Variants in VNN1 observed in about 807,000 individuals in gnomAD.
VNN1 encodes pantetheinase.
A neutral mutation model predicts 41.9 loss-of-function variants in VNN1; 29 were observed. The ratio of observed to expected loss-of-function variants is 0.69; its 90% CI spans 0.52 to 0.94. The LOEUF (loss-of-function observed/expected upper bound fraction) is 0.94. VNN1 is among the 40% of genes least tolerant of loss of function. VNN1 has a pLI of 0.00. For missense variants in VNN1, 637 were observed against 621.1 expected (o/e 1.03, Z -0.27); for synonymous variants, 233 against 224.4 (o/e 1.04, Z -0.34).
In VNN1 at chr6:132,681,703, A is replaced by G. The variant is rs1392850537; in HGVS notation, c.*1437T>C. Reference sequence around the variant, plus strand: ...AATTGCTCTGAGGATTCCTGTTTCTAAATACATTATGGGCTTTCTTATTTT... The same window carrying G: ...AATTGCTCTGAGGATTCCTGTTTCTGAATACATTATGGGCTTTCTTATTTT... On this transcript the variant is annotated 3_prime_UTR_variant, in exon 7 of 7. Transcript: ENST00000367928. The G allele has an allele frequency of 2.6e-5, 4 of 152,664 alleles. No homozygotes were observed. 9.5% of individuals were successfully genotyped at this position (152,664 alleles called of 1,614,324 possible).
intron 1 of VNN1, 66 bp downstream of exon 1, chr6:132,713,760 C>T: frequency 6.5e-7 from 1 of 1,550,254 alleles, no homozygotes; most frequent in Non-Finnish European, 8.8e-7. Flanking sequence ...GACAGTGGCC[C>T]TGTCTCCTAG....
rs1427355310 is a variant in VNN1 at position 132,682,571 on chromosome 6, A to G, written c.*569T>C. On this transcript the variant is annotated 3_prime_UTR_variant, in exon 7 of 7. Coordinates refer to ENST00000367928, the MANE Select transcript of VNN1 (RefSeq NM_004666.3). Reference sequence around the variant, plus strand: ...GCCTCTTCTTTTATGATCATCAGTCATATTGAATTAGGGTCTATCCTAATG... The same window carrying G: ...GCCTCTTCTTTTATGATCATCAGTCGTATTGAATTAGGGTCTATCCTAATG... 6.6e-6 allele frequency: 1 copy of G among 152,222 alleles called. No individual in the cohort carries two copies. The highest frequency in any genetic ancestry group is 1.5e-5 in the Non-Finnish European group (1 of 68,132). 9.4% of individuals were successfully genotyped at this position (152,222 alleles called of 1,614,324 possible). A position where few individuals can be genotyped will look rare whatever the true frequency, so the allele number is the denominator to read the frequency against.
intron 2 of VNN1, among the ~76,000 whole-genome samples, chr6:132,709,684 GAGAC>G (rs1778570947): frequency 6.6e-6 from 1 of 151,788 alleles, no homozygotes; most frequent in South Asian, 2.1e-4. Flanking sequence ...AAGAGAGAGA[GAGAC>G]AGAGAGAATT....
intron 4 of VNN1, 78 bp downstream of exon 4, chr6:132,692,946 T>C: frequency 1.4e-6 from 2 of 1,442,998 alleles, no homozygotes; most frequent in Non-Finnish European, 1.8e-6. Flanking sequence ...GGAGTATGCG[T>C]TAGCTAGAAA....
chr6:132,691,155 C>G (rs994260081), intron 5 of VNN1, among the ~76,000 whole-genome samples: 2 of 152,190 alleles, frequency 1.3e-5, no homozygotes, highest in Admixed American at 1.3e-4. Context: ...GACCACACAT[C>G]TAGACTTTGT....
chr6:132,683,523 C>T (rs1175118759), intron 6 of VNN1, among the ~76,000 whole-genome samples: 1 of 152,184 alleles, frequency 6.6e-6, no homozygotes, highest in African/African-American at 2.4e-5. Context: ...GTGAGATGCC[C>T]GTAATCAATG....
rs1041301071 is a variant in VNN1, at chr6:132,681,086, T to C, written c.*2054A>G. ...GCCCCCATGAAGCCCCACCTCCTGA[T>C]ATTCTCAACTCTGTTTGATTCTGTC... On this transcript the variant is annotated 3_prime_UTR_variant, in exon 7 of 7. Coordinates refer to ENST00000367928, the MANE Select transcript of VNN1 (RefSeq NM_004666.3). 6.6e-6 allele frequency among the ~76,000 whole-genome samples: 1 copy of C among 152,214 alleles called. No individual in the cohort carries two copies. Among genetic ancestry groups the C allele is most frequent in the African/African-American group, 2.4e-5 (1 of 41,460 alleles).
At chr6:132,695,203 G>A (rs1018157295) in intron 2 of VNN1, among the ~76,000 whole-genome samples, 1 of 152,126 alleles carries the variant, frequency 6.6e-6, no homozygotes, top group Non-Finnish European at 1.5e-5. Context: ...GTAGAGGGAT[G>A]CTGGGAAGAT....
intron 2 of VNN1, among the ~76,000 whole-genome samples, chr6:132,708,399 C>T (rs1201632342): frequency 6.6e-6 from 1 of 151,974 alleles, no homozygotes; most frequent in East Asian, 1.9e-4. Context: ...AACTTCAAAT[C>T]CTTCTGGAAC....
chr6:132,686,211 C>T (rs1778204448), intron 5 of VNN1, among the ~76,000 whole-genome samples: 2 of 152,256 alleles, frequency 1.3e-5, no homozygotes, highest in South Asian at 4.1e-4. Flanking sequence ...CTTTGGGAGG[C>T]CGAGGCAGGC....
At chr6:132,712,407 C>T (rs1195705110) in intron 1 of VNN1, among the ~76,000 whole-genome samples, 1 of 152,076 alleles carries the variant, frequency 6.6e-6, no homozygotes, top group Non-Finnish European at 1.5e-5. Flanking sequence ...GCTTCAGCCT[C>T]CCAAAGTGTT....
In VNN1 at chr6:132,680,920, G is replaced by A. The variant is rs563595278; in HGVS notation, c.*2220C>T. Among the ~76,000 whole-genome samples, 7 of 152,012 alleles carry A rather than the reference G, an allele frequency of 4.6e-5. No homozygotes were observed. Among genetic ancestry groups the A allele is most frequent in the East Asian group, 1.9e-4 (1 of 5,198 alleles). On this transcript the variant is annotated 3_prime_UTR_variant, in exon 7 of 7. Coordinates refer to ENST00000367928, the MANE Select transcript of VNN1 (RefSeq NM_004666.3). ...TTTTTTAGTGTAGTGCTTTTCAGAC[G>A]TAACTATTGGGAGTGTATTTTGAAA...
At position 132,682,155 on chromosome 6, in the gene VNN1, G is replaced by C. The variant is rs1778134419; in HGVS notation, c.*985C>G. 6.6e-6 allele frequency: 1 copy of C among 152,178 alleles called. No individual in the cohort carries two copies. The highest frequency in any genetic ancestry group is 2.1e-4 in the South Asian group (1 of 4,832). The allele number at this position is 152,178 out of a possible 1,614,324, so 9.4% of individuals were successfully genotyped here. A position where few individuals can be genotyped will look rare whatever the true frequency, so the allele number is the denominator to read the frequency against. ...GACTCTCTGGTTTTCTAATTCCAGA[G>C]GAATTCAATGATCTAATGGTTTCAC... On this transcript the variant is annotated 3_prime_UTR_variant, in exon 7 of 7. Coordinates refer to ENST00000367928, the MANE Select transcript of VNN1 (RefSeq NM_004666.3).
At chr6:132,686,141 C>T (rs972344681) in intron 5 of VNN1, among the ~76,000 whole-genome samples, 6 of 152,162 alleles carry the variant, frequency 3.9e-5, no homozygotes, top group African/African-American at 1.4e-4. Flanking sequence ...CATACTTACA[C>T]TTTTTAAAAA....
intron 5 of VNN1, among the ~76,000 whole-genome samples, chr6:132,687,106 A>T (rs1778220738): frequency 1.3e-5 from 2 of 152,182 alleles, no homozygotes; most frequent in Non-Finnish European, 2.9e-5. Context: ...AAAAGAAAAT[A>T]GAAAGGAAGA....
intron 6 of VNN1, among the ~76,000 whole-genome samples, chr6:132,683,533 G>A (rs777116660): frequency 6.6e-6 from 1 of 152,186 alleles, no homozygotes; most frequent in African/African-American, 2.4e-5. Context: ...CGTAATCAAT[G>A]TCTTCTAATT....
intron 2 of VNN1, among the ~76,000 whole-genome samples, chr6:132,704,184 C>T (rs1163663607): frequency 6.6e-6 from 1 of 152,048 alleles, no homozygotes; most frequent in Non-Finnish European, 1.5e-5. Context: ...AAACATTGGA[C>T]TTAATCTGCA....
intron 5 of VNN1, among the ~76,000 whole-genome samples, chr6:132,689,709 G>A (rs76728608): frequency 0.051 from 7,776 of 152,102 alleles, 221 homozygotes; most frequent in East Asian, 0.11. Context: ...CTCCTTTGTC[G>A]TATCATTCAC....
At chr6:132,696,615 T>C (rs1224563146) in intron 2 of VNN1, among the ~76,000 whole-genome samples, 1 of 152,094 alleles carries the variant, frequency 6.6e-6, no homozygotes, top group Non-Finnish European at 1.5e-5. Context: ...ATCGGCAGAT[T>C]TCTCATCAAT....
Sources: allele counts gnomAD v4.1 joint callset (sites outside exome capture counted in the v4.1 genomes callset), GRCh38; gene constraint gnomAD v4.1.1; transcripts MANE v1.5; gene names NCBI Gene and HGNC (gene_info 2026-07-23, HGNC 2026-07-21).